The following DDX19A variants were observed in gnomAD, a reference collection of about 807,000 sequenced individuals.
DDX19A encodes ATP-dependent RNA helicase DDX19A.
In DDX19A, 12 loss-of-function variants were observed where a neutral mutation model predicts 60.6. The observed-to-expected ratio is 0.20, with a 90% CI of 0.13 to 0.32. The LOEUF is 0.32. Ranked by LOEUF, DDX19A falls within the 10% of genes least tolerant of loss-of-function variation. The pLI, the probability that DDX19A is intolerant of heterozygous loss-of-function variation, is 1.00. For synonymous variants in DDX19A, 206 were observed against 218.2 expected (o/e 0.94, Z 0.49); for missense variants, 337 against 600.6 (o/e 0.56, Z 4.59).
At chr16:70,348,490 G>T (rs1405439675) in intron 1 of DDX19A, among the ~76,000 whole-genome samples, 1 of 151,962 alleles carries the variant, frequency 6.6e-6, no homozygotes, top group Non-Finnish European at 1.5e-5. Flanking sequence ...GCCAGGCGTG[G>T]TAGTCGTCCC....
At chr16:70,357,302 A>G (rs1051928987) in intron 4 of DDX19A, among the ~76,000 whole-genome samples, 1 of 140,222 alleles carries the variant, frequency 7.1e-6, no homozygotes, top group Non-Finnish European at 1.5e-5. Context: ...TATTTAGACT[A>G]TAGGGTTTAC....
intron 4 of DDX19A, among the ~76,000 whole-genome samples, chr16:70,357,630 C>T (rs957905411): frequency 6.6e-6 from 1 of 151,626 alleles, no homozygotes; most frequent in Non-Finnish European, 1.5e-5. Flanking sequence ...ATGATCTGCC[C>T]GCCTCGGCCT....
At chr16:70,369,620 CT>C (rs139116601) in intron 9 of DDX19A, among the ~76,000 whole-genome samples, 5,610 of 130,760 alleles carry the variant, frequency 0.043, 256 homozygotes, top group African/African-American at 0.14. Flanking sequence ...TTCTTTTCTT[CT>C]TTTTTTTTTT....
intron 10 of DDX19A, 196 bp from the exon 11 acceptor site, chr16:70,371,176 A>T: frequency 1.1e-6 from 1 of 935,730 alleles, no homozygotes. Context: ...TTTTGTTGGC[A>T]CTTGCCAAAG....
At chr16:70,359,393 C>G (rs866054435) in intron 4 of DDX19A, among the ~76,000 whole-genome samples, 1 of 152,176 alleles carries the variant, frequency 6.6e-6, no homozygotes, top group Non-Finnish European at 1.5e-5. Flanking sequence ...TTTTAGAGAG[C>G]CTGCTAAACT....
intron 2 of DDX19A, among the ~76,000 whole-genome samples, chr16:70,351,668 G>T (rs1413331840): frequency 1.3e-5 from 2 of 151,770 alleles, no homozygotes; most frequent in African/African-American, 4.8e-5. Flanking sequence ...GGGACTACAG[G>T]CGCCCGCCAC....
At chr16:70,357,368 T>TG (rs1964240701) in intron 4 of DDX19A, among the ~76,000 whole-genome samples, 1 of 23,398 alleles carries the variant, frequency 4.3e-5, no homozygotes, top group South Asian at 1.2e-3. Flanking sequence ...TTTGGTTTGT[T>TG]TTTTTTTTTT....
At position 70,370,582 on chromosome 16, in the gene DDX19A, C is replaced by A. The variant is rs190409853; in HGVS notation, c.1183+197C>A. ...CTCACACATGCCAGGTGCGGTGGCTCATGCCTGCAATCCCAAGGCAGGAAA... is the reference window on the plus strand; with the variant it reads ...CTCACACATGCCAGGTGCGGTGGCTAATGCCTGCAATCCCAAGGCAGGAAA... On this transcript the variant is annotated intron_variant, in intron 10 of 11. Coordinates refer to ENST00000302243, the MANE Select transcript of DDX19A (RefSeq NM_018332.5). 15 of 863,954 alleles carry A rather than the reference C, an allele frequency of 1.7e-5. No homozygotes were observed. In the African/African-American group the frequency reaches 2.4e-4, roughly 14 times the overall value. 53.5% of individuals were successfully genotyped at this position (863,954 alleles called of 1,614,324 possible). A position where few individuals can be genotyped will look rare whatever the true frequency, so the allele number is the denominator to read the frequency against.
rs551726947 is a variant in DDX19A, at chr16:70,356,095, T to C, written c.158-17T>C. 1 of 1,613,196 alleles carries C rather than the reference T, an allele frequency of 6.2e-7. No individual in the cohort carries two copies. Among genetic ancestry groups the C allele is most frequent in the Non-Finnish European group, 8.5e-7 (1 of 1,179,996 alleles). ...TTGCCAGATGAGTATGAAGATCTAC[T>C]GGTTTCTTCCTGACAGAGGACAGAG... On this transcript the variant is annotated splice_polypyrimidine_tract_variant and intron_variant, in intron 3 of 11. Coordinates refer to ENST00000302243, the MANE Select transcript of DDX19A (RefSeq NM_018332.5).
chr16:70,370,207 G>GTTT lies in DDX19A; in HGVS notation c.1021-10_1021-8dup. 1 of 1,603,706 alleles carries GTTT rather than the reference G, an allele frequency of 6.2e-7. No individual in the cohort carries two copies. Among genetic ancestry groups the GTTT allele is most frequent in the Admixed American group, 1.8e-5 (1 of 56,076 alleles). On this transcript the variant is annotated splice_polypyrimidine_tract_variant and intron_variant, in intron 9 of 11. Transcript: ENST00000302243. ...ACTCAAATACTTTCATTTCTCAATT[G>GTTT]TTTTTTTTCTTCCAGACTCGCAAAA...
In DDX19A at chr16:70,346,953, G is replaced by A. The variant is rs1312668152; in HGVS notation, c.-39G>A. 3.8e-6 allele frequency: 6 copies of A among 1,596,256 alleles called. No individual in the cohort carries two copies. Among genetic ancestry groups the A allele is most frequent in the Middle Eastern group, 1.7e-4 (1 of 6,054 alleles). On this transcript the variant is annotated 5_prime_UTR_variant, in exon 1 of 12. Coordinates refer to ENST00000302243, the MANE Select transcript of DDX19A (RefSeq NM_018332.5). The stretch of plus-strand genomic sequence containing the variant: ...AGGGCCCGCGTTGCGACGTGGTGCA[G>A]CGCATATTTTCACAAGTGGGTCTCC...
chr16:70,366,793 G>A lies in DDX19A; in HGVS notation c.952G>A (p.Glu318Lys). The A allele has an allele frequency of 1.2e-6, 2 of 1,614,156 alleles. No individual in the cohort carries two copies. Among genetic ancestry groups the A allele is most frequent in the Non-Finnish European group, 1.7e-6 (2 of 1,180,014 alleles). The change falls in exon 9 of 12, where the codon GAG (glutamate) becomes AAG (lysine). Residue 318 changes from glutamate (E) to lysine (K), a missense_variant. Glu to Lys is a moderately conservative substitution (Grantham distance 56, BLOSUM62 1). Transcript: ENST00000302243. ...CTATGTCCTGTGCAGCAGCAGAGAC[G>A]AGAAGTTCCAGGCCTTGTGTAACCT... ...QYYVLCSSRD[E>K]KFQALCNLYG...
intron 2 of DDX19A, 64 bp from the exon 3 acceptor site, chr16:70,355,421 G>T: frequency 1.8e-6 from 2 of 1,098,158 alleles, no homozygotes; most frequent in Non-Finnish European, 2.8e-6. Flanking sequence ...TATTTATATT[G>T]TCCCACATTT....
At chr16:70,350,630 A>G (rs1963982593) in intron 2 of DDX19A, 25 bp downstream of exon 2, 1 of 1,588,500 alleles carries the variant, frequency 6.3e-7, no homozygotes, top group East Asian at 2.2e-5. Context: ...ACTACAAGCT[A>G]GAAAAGAGTT....
Position 70,372,703 on chromosome 16 carries a change from C to G in DDX19A, c.*717C>G, listed in dbSNP as rs1343701659. The G allele has an allele frequency of 2.0e-5, 3 of 152,506 alleles. No individual in the cohort carries two copies. Among genetic ancestry groups the G allele is most frequent in the Admixed American group, 6.6e-5 (1 of 15,264 alleles). The allele number at this position is 152,506 out of a possible 1,614,324, so 9.4% of individuals were successfully genotyped here. ...GGCCGATGAAGGGGCTGGGCCTGGT[C>G]TTGCCTTCTCTTCTCTCGGTTGCTC... is the stretch of plus-strand genomic sequence containing the variant. On this transcript the variant is annotated 3_prime_UTR_variant, in exon 12 of 12. Transcript: ENST00000302243.
At chr16:70,349,009 C>A (rs1963935169) in intron 1 of DDX19A, among the ~76,000 whole-genome samples, 1 of 152,120 alleles carries the variant, frequency 6.6e-6, no homozygotes, top group African/African-American at 2.4e-5. Flanking sequence ...AAGGAAACAT[C>A]TTGGTAAGTA....
intron 4 of DDX19A, among the ~76,000 whole-genome samples, chr16:70,360,280 CAAAAAA>C (rs570664065): frequency 1.4e-5 from 2 of 141,062 alleles, no homozygotes; most frequent in African/African-American, 5.2e-5. Context: ...GACTCCATCT[CAAAAAA>C]AAAAATTTTT....
chr16:70,366,699 A>T lies in DDX19A; in HGVS notation c.858A>T (p.Lys286Asn), dbSNP rs1964531143. 1 of 1,614,234 alleles carries T rather than the reference A, an allele frequency of 6.2e-7. No individual in the cohort carries two copies. The highest frequency in any genetic ancestry group is 8.5e-7 in the Non-Finnish European group (1 of 1,180,046). ...FEDSVWKFAQ[K>N]VVPDPNVIKL... ...ACTCTGTGTGGAAGTTTGCCCAGAA[A>T]GTGGTCCCAGACCCAAATGTTATCA... Residue 286 changes from lysine (K) to asparagine (N), a missense_variant, in exon 9 of 12, where the codon AAA (lysine) becomes AAT (asparagine). Transcript: ENST00000302243.
rs144304183 is a variant in DDX19A, at chr16:70,361,945, C to T, written c.386+435C>T. Among the ~76,000 whole-genome samples, 726 of 151,560 alleles carry T rather than the reference C, an allele frequency of 4.8e-3. 13 individuals carry two copies. The highest frequency in any genetic ancestry group is 0.016 in the African/African-American group (672 of 41,330). ...TAGCACTTTGGGAGGCCAAGGTGGGCGGATTGCCTGAGCTCAGTAATTCGA... is the reference window on the plus strand; with the variant it reads ...TAGCACTTTGGGAGGCCAAGGTGGGTGGATTGCCTGAGCTCAGTAATTCGA... On this transcript the variant is annotated intron_variant, in intron 5 of 11. Coordinates refer to ENST00000302243, the MANE Select transcript of DDX19A (RefSeq NM_018332.5).
Sources: gnomAD v4.1 joint callset for allele counts (sites outside exome capture counted in the v4.1 genomes callset) on GRCh38, gnomAD v4.1.1 for gene constraint, MANE v1.5 for transcripts, NCBI Gene and HGNC (gene_info 2026-07-23, HGNC 2026-07-21) for gene names.